WLS: variants seen among roughly 807,000 people sequenced by gnomAD.
WLS encodes protein wntless homolog.
Under a neutral mutation model 62.8 loss-of-function variants are expected in WLS, and 23 were observed. The ratio of observed to expected loss-of-function variants is 0.37; its 90% confidence interval spans 0.26 to 0.52. WLS has a LOEUF of 0.52. WLS is among the 20% of genes least tolerant of loss of function. The pLI is 0.92. For missense variants in WLS, 615 were observed against 697.3 expected (o/e 0.88, Z 1.33); for synonymous variants, 246 against 244.1 (o/e 1.01, Z -0.07).
intron 1 of WLS, among the ~76,000 whole-genome samples, chr1:68,198,729 T>A (rs1648820151): frequency 6.6e-6 from 1 of 152,300 alleles, no homozygotes; most frequent in Non-Finnish European, 1.5e-5. Context: ...AAAATAATTT[T>A]GATGAATGTT....
intron 1 of WLS, among the ~76,000 whole-genome samples, chr1:68,212,383 T>A (rs1458816600): frequency 6.6e-6 from 1 of 152,128 alleles, no homozygotes; most frequent in Non-Finnish European, 1.5e-5. Context: ...CCAGGTTTTA[T>A]CCCCCAAATT....
At chr1:68,228,366 GA>G (rs1488936724) in intron 1 of WLS, 2 of 322,994 alleles carry the variant, frequency 6.2e-6, no homozygotes, top group East Asian at 1.8e-4. Context: ...ATATTTCTGA[GA>G]CATGACTAAT....
At chr1:68,173,434 G>C (rs1040187182) in intron 2 of WLS, among the ~76,000 whole-genome samples, 9 of 145,848 alleles carry the variant, frequency 6.2e-5, no homozygotes, top group African/African-American at 2.0e-4. Flanking sequence ...CTCTCTCTCT[G>C]AATGCAATTA....
At chr1:68,131,373 A>G (rs1646522131) in intron 11 of WLS, among the ~76,000 whole-genome samples, 1 of 152,010 alleles carries the variant, frequency 6.6e-6, no homozygotes, top group Admixed American at 6.6e-5. Flanking sequence ...GTTCTTCCCC[A>G]CTGGCATTTA....
intron 1 of WLS, among the ~76,000 whole-genome samples, chr1:68,225,307 G>GA (rs1467911292): frequency 6.6e-6 from 1 of 152,016 alleles, no homozygotes; most frequent in Non-Finnish European, 1.5e-5. Context: ...AGAAAACTTA[G>GA]AAAACACTAA....
intron 11 of WLS, chr1:68,117,503 G>A (rs542036975): frequency 6.6e-6 from 1 of 152,372 alleles, no homozygotes; most frequent in African/African-American, 2.4e-5. Flanking sequence ...ATCAGCTTCT[G>A]GCCCCAGACA....
At chr1:68,118,032 A>T (rs999331630) in intron 11 of WLS, among the ~76,000 whole-genome samples, 3 of 152,152 alleles carry the variant, frequency 2.0e-5, no homozygotes, top group African/African-American at 7.2e-5. Flanking sequence ...ATCTTAGGGG[A>T]TATTTCTTTA....
At chr1:68,191,638 T>C (rs1648311381) in intron 2 of WLS, among the ~76,000 whole-genome samples, 1 of 152,170 alleles carries the variant, frequency 6.6e-6, no homozygotes, top group African/African-American at 2.4e-5. Context: ...GGCTGGGACT[T>C]AATAAAGTTT....
intron 11 of WLS, chr1:68,098,780 C>T: frequency 6.2e-7 from 1 of 1,605,456 alleles, no homozygotes; most frequent in Non-Finnish European, 8.5e-7. Flanking sequence ...ATTTTAAAAC[C>T]ATGCAAAATA....
chr1:68,116,133 A>C (rs911718236), intron 11 of WLS, among the ~76,000 whole-genome samples: 18 of 152,216 alleles, frequency 1.2e-4, no homozygotes, highest in Non-Finnish European at 2.4e-4. Context: ...GAGCTGGAGA[A>C]GCAGGGTTCA....
chr1:68,118,486 A>G lies in WLS; in HGVS notation c.1510+19294T>C, dbSNP rs1449421708. The stretch of plus-strand genomic sequence containing the variant: ...TAGCCTTCATCGCTATCACCTTACT[A>G]TCTATTGCCTCCTCCCTCCCGCCTT... On this transcript the variant is annotated intron_variant, in intron 11 of 11. Coordinates refer to the WLS transcript ENST00000354777. Among the ~76,000 whole-genome samples, 3 of 152,046 alleles carry G rather than the reference A, an allele frequency of 2.0e-5. No individual in the cohort carries two copies. In the East Asian group the frequency reaches 5.8e-4, roughly 29 times the overall value.
chr1:68,132,438 A>C (rs1297629120), intron 11 of WLS, among the ~76,000 whole-genome samples: 1 of 152,192 alleles, frequency 6.6e-6, no homozygotes, highest in Non-Finnish European at 1.5e-5. Context: ...AAAAGGGGGC[A>C]ACCAATGTCA....
chr1:68,221,789 C>T (rs539662883), intron 1 of WLS, among the ~76,000 whole-genome samples: 18 of 152,262 alleles, frequency 1.2e-4, no homozygotes, highest in Non-Finnish European at 2.5e-4. Context: ...CTTCGTGACT[C>T]TGCTCAGTTT....
chr1:68,177,416 G>T (rs1307546010), intron 2 of WLS, among the ~76,000 whole-genome samples: 3 of 152,208 alleles, frequency 2.0e-5, no homozygotes, highest in Non-Finnish European at 4.4e-5. Flanking sequence ...CATGGACGGG[G>T]TCCTTTTTCT....
intron 1 of WLS, among the ~76,000 whole-genome samples, chr1:68,212,152 T>A (rs900633273): frequency 5.1e-4 from 78 of 152,266 alleles, no homozygotes; most frequent in African/African-American, 1.8e-3. Flanking sequence ...AAACAGACAA[T>A]CCAGCCAGTC....
At chr1:68,155,463 A>T (rs537418804) in intron 3 of WLS, among the ~76,000 whole-genome samples, 18 of 152,208 alleles carry the variant, frequency 1.2e-4, no homozygotes, top group Non-Finnish European at 2.1e-4. Flanking sequence ...CAACAACAAC[A>T]ACAAAAAACA....
At chr1:68,227,384 T>C (rs72938586) in intron 1 of WLS, among the ~76,000 whole-genome samples, 15 of 132,092 alleles carry the variant, frequency 1.1e-4, no homozygotes, top group African/African-American at 4.4e-4. Context: ...TCAGCCTGGC[T>C]GACAGAACGA....
chr1:68,122,137 GA>G (rs1225895905), downstream of WLS, among the ~76,000 whole-genome samples: 2 of 152,218 alleles, frequency 1.3e-5, no homozygotes, highest in Admixed American at 1.3e-4. Context: ...GATTCAATTT[GA>G]AAGAGTAGAT....
intron 1 of WLS, among the ~76,000 whole-genome samples, chr1:68,203,836 G>A (rs960817619): frequency 2.0e-5 from 3 of 152,166 alleles, no homozygotes; most frequent in Admixed American, 6.5e-5. Context: ...TTTGACTCAG[G>A]AAAGGGTGGG....
Sources: gnomAD v4.1 joint callset for allele counts (sites outside exome capture counted in the v4.1 genomes callset) on GRCh38, gnomAD v4.1.1 for gene constraint, MANE v1.5 for transcripts, NCBI Gene and HGNC (gene_info 2026-07-23, HGNC 2026-07-21) for gene names.